The following STRIP2 variants were observed in gnomAD, a reference collection of about 807,000 sequenced individuals.
STRIP2 encodes the protein striatin-interacting protein 2.
In STRIP2, 84 loss-of-function variants were observed where a neutral mutation model predicts 107.1. The ratio of observed to expected loss-of-function variants is 0.78; its 90% CI spans 0.66 to 0.94. The LOEUF (loss-of-function observed/expected upper bound fraction) is 0.94. Among genes scored for constraint, STRIP2 ranks in the 40% least tolerant of loss-of-function variants. STRIP2 has a pLI of 0.00. For synonymous variants in STRIP2, 394 were observed against 400.4 expected (o/e 0.98, Z 0.19); for missense variants, 888 against 1,034.2 (o/e 0.86, Z 1.94).
chr7:129,460,405 T>C (rs1231038379), intron 13 of STRIP2, 33 bp downstream of exon 13: 1 of 1,586,022 alleles, frequency 6.3e-7, no homozygotes, highest in Non-Finnish European at 8.6e-7. Context: ...AGGAGGAGAG[T>C]AGAAGAAAAC....
intron 18 of STRIP2, among the ~76,000 whole-genome samples, chr7:129,478,329 G>A (rs1262754021): frequency 1.3e-5 from 2 of 152,134 alleles, no homozygotes; most frequent in African/African-American, 4.8e-5. Flanking sequence ...GGCCAACATG[G>A]TGAAACCCCA....
chr7:129,439,818 C>T (rs929604078), intron 1 of STRIP2, among the ~76,000 whole-genome samples: 1 of 152,188 alleles, frequency 6.6e-6, no homozygotes, highest in Non-Finnish European at 1.5e-5. Flanking sequence ...TAGGAATCCT[C>T]AGCCCCTCCC....
At position 129,451,619 on chromosome 7, in the gene STRIP2, G is replaced by T. The variant is rs1562899375; in HGVS notation, c.281G>T (p.Gly94Val). 2 of 1,614,122 alleles carry T rather than the reference G, an allele frequency of 1.2e-6. No homozygotes were observed. The highest frequency in any genetic ancestry group is 8.5e-7 in the Non-Finnish European group (1 of 1,180,002). The change falls in exon 4 of 21, where the codon GGC (glycine) becomes GTC (valine). Residue 94 changes from glycine (G) to valine (V), a missense_variant. Physicochemically the swap from Gly to Val is moderately radical, Grantham distance 109. Coordinates refer to ENST00000249344, the MANE Select transcript of STRIP2 (RefSeq NM_020704.3). ...TATGGCCTTTTATTCCCAGTGCAGG[G>T]CAAGGAATGGCTGGAGTTGGAAGAA... Reference protein sequence around the residue: ...FEEDFKTQVQGKEWLELEEDA... With the variant: ...FEEDFKTQVQVKEWLELEEDA...
intron 16 of STRIP2, among the ~76,000 whole-genome samples, chr7:129,465,392 G>A (rs1230792371): frequency 6.6e-6 from 1 of 152,170 alleles, no homozygotes; most frequent in Admixed American, 6.5e-5. Flanking sequence ...CAAAAGTCCA[G>A]AGGGGGAAGA....
At chr7:129,466,071 G>A (rs1308011216) in intron 16 of STRIP2, among the ~76,000 whole-genome samples, 1 of 152,210 alleles carries the variant, frequency 6.6e-6, no homozygotes, top group Non-Finnish European at 1.5e-5. Context: ...AGGAGTAGTG[G>A]TAGGTAGGAG....
At chr7:129,447,405 G>A (rs1384689906) in intron 3 of STRIP2, among the ~76,000 whole-genome samples, 1 of 152,162 alleles carries the variant, frequency 6.6e-6, no homozygotes, top group Non-Finnish European at 1.5e-5. Flanking sequence ...TTTTACTGAG[G>A]TAGAAGTTCC....
intron 2 of STRIP2, among the ~76,000 whole-genome samples, chr7:129,442,497 G>C (rs1797927292): frequency 6.6e-6 from 1 of 152,108 alleles, no homozygotes; most frequent in African/African-American, 2.4e-5. Context: ...ACATTTGTTT[G>C]ACCTGGGTAG....
rs1405280486 is a variant in STRIP2, at chr7:129,456,165, T to G, written c.835-274T>G. Among the ~76,000 whole-genome samples the G allele has an allele frequency of 2.0e-5, 3 of 148,540 alleles. No individual in the cohort carries two copies. The South Asian group carries it at 6.4e-4, about 32-fold the overall frequency. On this transcript the variant is annotated intron_variant, in intron 8 of 20. Coordinates refer to ENST00000249344, the MANE Select transcript of STRIP2 (RefSeq NM_020704.3). ...TCTTTTTTTTCTTTTTTTTTTTTTT[T>G]GAGGAGGCCCGCAGGAATTCCTTTC...
intron 13 of STRIP2, 133 bp downstream of exon 13, chr7:129,460,505 C>T (rs1333196632): frequency 2.7e-6 from 2 of 745,792 alleles, no homozygotes; most frequent in African/African-American, 3.5e-5. Context: ...AAGGTCCCTA[C>T]TTTCATGATA....
intron 20 of STRIP2, chr7:129,484,651 C>T (rs1338453429): frequency 6.6e-6 from 1 of 152,150 alleles, no homozygotes; most frequent in Non-Finnish European, 1.5e-5. Flanking sequence ...GAGGGACTGT[C>T]TTTTCACTAA....
chr7:129,485,069 T>C (rs1799211431), intron 20 of STRIP2, among the ~76,000 whole-genome samples: 1 of 152,198 alleles, frequency 6.6e-6, no homozygotes, highest in African/African-American at 2.4e-5. Context: ...TCTTCGGTAA[T>C]TGGTCCATTC....
chr7:129,478,846 ATAT>A (rs1799040670), intron 18 of STRIP2, among the ~76,000 whole-genome samples: 2 of 152,200 alleles, frequency 1.3e-5, no homozygotes, highest in Admixed American at 1.3e-4. Context: ...CTTCTCTCCC[ATAT>A]TATTCTTTGA....
rs1388835486 is a variant in STRIP2 at position 129,470,682 on chromosome 7, C to A, written c.1911C>A (p.Ile637=). 1 of 1,614,040 alleles carries A rather than the reference C, an allele frequency of 6.2e-7. No homozygotes were observed. The highest frequency in any genetic ancestry group is 1.1e-5 in the South Asian group (1 of 91,070). The change falls in exon 18 of 21, where the codon ATC becomes ATA. Residue 637 remains isoleucine, a synonymous_variant. Transcript: ENST00000249344. ...TCCTGGATTATCCTTGCTGTACCAT[C>A]CAGGATTTGCCGGAGCTTACTACTG... ...ISVLDYPCCT[I]QDLPELTTES...
At position 129,458,808 on chromosome 7, in the gene STRIP2, A is replaced by T. The variant is rs1171456312; in HGVS notation, c.1340+31A>T. 1 of 1,611,054 alleles carries T rather than the reference A, an allele frequency of 6.2e-7. No individual in the cohort carries two copies. The highest frequency in any genetic ancestry group is 1.3e-5 in the African/African-American group (1 of 74,994). On this transcript the variant is annotated intron_variant, in intron 11 of 20. Transcript: ENST00000249344. This position sits in a 1 kb window ranked among gnomAD's most constrained non-coding sequence, Gnocchi z 4.6. ...TGACTGAATGGCTGGAACTGGCTAC[A>T]GAGTGGTTCCTAGGGGGCCAGAGGA...
rs1177724581 is a variant in STRIP2 at position 129,434,466 on chromosome 7, CAG to C, written c.-6_-5del. ...CTGAACCCTGAGGGGAGCCGCTGAC[CAG>C]CAGCATGGAGGACCCCGCCGCGCCT... On this transcript the variant is annotated 5_prime_UTR_variant, in exon 1 of 21. Transcript: ENST00000249344. 2.0e-6 allele frequency: 3 copies of C among 1,508,002 alleles called. No individual in the cohort carries two copies. In the East Asian group the frequency reaches 7.9e-5, roughly 40 times the overall value. The allele number at this position is 1,508,002 out of a possible 1,614,324, so 93.4% of individuals were successfully genotyped here. A position where few individuals can be genotyped will look rare whatever the true frequency, so the allele number is the denominator to read the frequency against.
chr7:129,488,219 G>A lies in STRIP2; in HGVS notation c.*2390G>A, dbSNP rs1799279328. The A allele has an allele frequency of 6.6e-6, 1 of 152,368 alleles. No homozygotes were observed. The highest frequency in any genetic ancestry group is 1.5e-5 in the Non-Finnish European group (1 of 67,992). 9.4% of individuals were successfully genotyped at this position (152,368 alleles called of 1,614,324 possible). A position where few individuals can be genotyped will look rare whatever the true frequency, so the allele number is the denominator to read the frequency against. On this transcript the variant is annotated 3_prime_UTR_variant, in exon 21 of 21. Transcript: ENST00000249344. ...AATATATAAACCATGTATGTGGTTAGGAATAAATTCAAATTCACCAGTCTC... is the reference window on the plus strand; with the variant it reads ...AATATATAAACCATGTATGTGGTTAAGAATAAATTCAAATTCACCAGTCTC...
intron 18 of STRIP2, 32 bp from the exon 19 acceptor site, chr7:129,480,753 A>G: frequency 1.3e-6 from 2 of 1,568,462 alleles, no homozygotes; most frequent in South Asian, 1.1e-5. Context: ...CCTTGTAGGT[A>G]TTAAGATAAT....
At chr7:129,438,457 G>A (rs929420029) in intron 1 of STRIP2, among the ~76,000 whole-genome samples, 8 of 152,186 alleles carry the variant, frequency 5.3e-5, no homozygotes, top group Non-Finnish European at 1.0e-4. Flanking sequence ...GCTACGAAGT[G>A]CTAGGCCGTG....
In STRIP2 at chr7:129,485,588, C is replaced by T; in HGVS notation, c.2264C>T (p.Ala755Val). The T allele has an allele frequency of 1.9e-6, 3 of 1,613,856 alleles. No homozygotes were observed. The highest frequency in any genetic ancestry group is 2.5e-6 in the Non-Finnish European group (3 of 1,179,982). Residue 755 changes from alanine to valine, a missense_variant, in exon 21 of 21, where the codon GCC becomes GTC. Coordinates refer to ENST00000249344, the MANE Select transcript of STRIP2 (RefSeq NM_020704.3). Reference protein sequence around the residue: ...DDWAYGNDIDARPWDFQAEEC... With the variant: ...DDWAYGNDIDVRPWDFQAEEC... Reference sequence around the variant, plus strand: ...TCTCTTTCCAACACAGACATCGATGCCAGACCATGGGACTTCCAAGCAGAA... The same window carrying T: ...TCTCTTTCCAACACAGACATCGATGTCAGACCATGGGACTTCCAAGCAGAA...
Sources: allele counts gnomAD v4.1 joint callset (sites outside exome capture counted in the v4.1 genomes callset), GRCh38; gene constraint gnomAD v4.1.1; non-coding constraint Gnocchi (gnomAD v3.1); transcripts MANE v1.5; gene names NCBI Gene and HGNC (gene_info 2026-07-23, HGNC 2026-07-21).